The following DYNC2I1 variants were observed in gnomAD, a reference collection of about 807,000 sequenced individuals.
DYNC2I1 encodes cytoplasmic dynein 2 intermediate chain 1.
A neutral mutation model predicts 133.4 loss-of-function variants in DYNC2I1; 89 were observed. The observed-to-expected ratio is 0.67, with a 90% CI of 0.56 to 0.80. The LOEUF is 0.80. DYNC2I1 is among the 30% of genes least tolerant of loss of function. The pLI is 0.00. For synonymous variants in DYNC2I1, 504 were observed against 484.3 expected (o/e 1.04, Z -0.54); for missense variants, 1,291 against 1,314.5 (o/e 0.98, Z 0.28).
chr7:158,877,221 CG>C (rs1843441809), intron 4 of DYNC2I1, among the ~76,000 whole-genome samples: 1 of 148,896 alleles, frequency 6.7e-6, no homozygotes, highest in Non-Finnish European at 1.5e-5. Context: ...TTGGTGCTCT[CG>C]AGGCACCTGC....
chr7:158,952,176 G>A (rs920405235), intron 4 of DYNC2I1, among the ~76,000 whole-genome samples: 26 of 152,172 alleles, frequency 1.7e-4, no homozygotes, highest in African/African-American at 4.1e-4. Flanking sequence ...AAACACGCAC[G>A]CTGGCACCTG....
At chr7:158,847,160 T>C in the DYNC2I1 span, among the ~76,000 whole-genome samples, 1 of 152,334 alleles carries the variant, frequency 6.6e-6, no homozygotes, top group African/African-American at 2.4e-5. Context: ...AATCTCAAAA[T>C]TCTGTCTTAA....
At chr7:158,888,748 G>A (rs1844871931) in intron 7 of DYNC2I1, among the ~76,000 whole-genome samples, 1 of 152,208 alleles carries the variant, frequency 6.6e-6, no homozygotes, top group Admixed American at 6.5e-5. Context: ...GGGATTACAG[G>A]CGTGAGCCAC....
intron 14 of DYNC2I1, among the ~76,000 whole-genome samples, chr7:158,917,888 A>G (rs1168812343): frequency 6.6e-6 from 1 of 152,034 alleles, no homozygotes; most frequent in East Asian, 1.9e-4. Flanking sequence ...CCTTTCTCAC[A>G]CGAATCCTAT....
At chr7:158,864,091 G>C (rs1036969695) in intron 1 of DYNC2I1, among the ~76,000 whole-genome samples, 11 of 149,022 alleles carry the variant, frequency 7.4e-5, no homozygotes, top group Admixed American at 5.3e-4. Context: ...TGTGGTGTGG[G>C]GGGAGAGGGA....
In DYNC2I1 at chr7:158,871,368, G is replaced by T; in HGVS notation, c.296G>T (p.Arg99Leu). The part of the protein sequence containing the change: ...QRERRRDAKD[R>L]EKEKLKEKHR... ...GAGAGGAGAAGAGACGCAAAAGACC[G>T]GGAGAAAGAAAAGCTGAAGGAGAAA... The change falls in exon 3 of 25, where the codon CGG (arginine) becomes CTG (leucine). Residue 99 changes from arginine to leucine, a missense_variant. Transcript: ENST00000407559. The T allele has an allele frequency of 6.5e-7, 1 of 1,549,464 alleles. No homozygotes were observed.
the DYNC2I1 span, among the ~76,000 whole-genome samples, chr7:158,845,008 T>C: frequency 6.6e-6 from 1 of 152,156 alleles, no homozygotes; most frequent in Non-Finnish European, 1.5e-5. Context: ...CCCAACCATC[T>C]AGATGGACCT....
At chr7:158,852,753 T>A (rs1199562660), upstream of DYNC2I1, among the ~76,000 whole-genome samples, 2 of 152,104 alleles carry the variant, frequency 1.3e-5, no homozygotes, top group East Asian at 1.9e-4. Context: ...AAAATAAAAA[T>A]AAAAAATTTT....
chr7:158,857,679 A>G lies in DYNC2I1; in HGVS notation c.15+929A>G, dbSNP rs190562108. Among the ~76,000 whole-genome samples, 390 of 151,748 alleles carry G rather than the reference A, an allele frequency of 2.6e-3. 2 individuals are homozygous for G. The highest frequency in any genetic ancestry group is 0.01 in the South Asian group (48 of 4,796). On this transcript the variant is annotated intron_variant, in intron 1 of 24. Coordinates refer to ENST00000407559, the MANE Select transcript of DYNC2I1 (RefSeq NM_018051.5). ...CAGTCTCCCGAGTAGGTGGGATTAC[A>G]GATGTCCGCCACCAAGCCCAGCTGA... is the stretch of plus-strand genomic sequence containing the variant.
chr7:158,894,547 GAATAAT>G (rs1845592965), intron 8 of DYNC2I1, among the ~76,000 whole-genome samples: 1 of 152,144 alleles, frequency 6.6e-6, no homozygotes, highest in Admixed American at 6.5e-5. Flanking sequence ...TTCTAGTGCT[GAATAAT>G]ATCCATTGTA....
intron 1 of DYNC2I1, among the ~76,000 whole-genome samples, chr7:158,861,671 T>C (rs534880080): frequency 6.6e-6 from 1 of 152,314 alleles, no homozygotes; most frequent in South Asian, 2.1e-4. Flanking sequence ...TGCAAATACA[T>C]GCATACCGAA....
At chr7:158,858,178 T>C (rs1175156402) in intron 1 of DYNC2I1, among the ~76,000 whole-genome samples, 1 of 152,200 alleles carries the variant, frequency 6.6e-6, no homozygotes, top group Non-Finnish European at 1.5e-5. Flanking sequence ...AACCCACTAA[T>C]TTCCTGACCC....
rs748525891 is a variant in DYNC2I1, at chr7:158,909,897, C to T, written c.1461-1653C>T. Among the ~76,000 whole-genome samples the T allele has an allele frequency of 2.8e-4, 42 of 152,150 alleles. 1 individual carries two copies. Among genetic ancestry groups the T allele is most frequent in the Admixed American group, 2.2e-3 (34 of 15,272 alleles). On this transcript the variant is annotated intron_variant, in intron 11 of 24. Transcript: ENST00000407559. ...AACATCCTAGGTTTTGGTCGAGCCT[C>T]CTGCAGGCCTGTGCTCTAGGAAGCA...
At chr7:158,913,307 T>C (rs1847676575) in intron 13 of DYNC2I1, among the ~76,000 whole-genome samples, 1 of 152,198 alleles carries the variant, frequency 6.6e-6, no homozygotes, top group African/African-American at 2.4e-5. Flanking sequence ...GGAAACCTGC[T>C]CTCGAGGCCC....
At position 158,871,151 on chromosome 7, in the gene DYNC2I1, T is replaced by C. The variant is rs746277876; in HGVS notation, c.79T>C (p.Ser27Pro). The C allele has an allele frequency of 6.2e-7, 1 of 1,612,590 alleles. No individual in the cohort carries two copies. The highest frequency in any genetic ancestry group is 8.5e-7 in the Non-Finnish European group (1 of 1,179,234). The change falls in exon 3 of 25, where the codon TCA becomes CCA. Residue 27 changes from serine to proline, a missense_variant. Physicochemically the swap from Ser to Pro is moderately conservative, Grantham distance 74. Coordinates refer to ENST00000407559, the MANE Select transcript of DYNC2I1 (RefSeq NM_018051.5). Reference protein sequence around the residue: ...DLRKHLWAIQSGGSKEERKHR... With the variant: ...DLRKHLWAIQPGGSKEERKHR... ...TGTTCTCTTGTTTCAGGCCATACAGTCAGGTGGTTCCAAGGAAGAAAGAAA... is the reference window on the plus strand; with the variant it reads ...TGTTCTCTTGTTTCAGGCCATACAGCCAGGTGGTTCCAAGGAAGAAAGAAA...
At chr7:158,909,441 C>G (rs1227177225) in intron 11 of DYNC2I1, among the ~76,000 whole-genome samples, 1 of 151,050 alleles carries the variant, frequency 6.6e-6, no homozygotes, top group Admixed American at 6.6e-5. Flanking sequence ...AGCATTCTAT[C>G]AGGTATGAAA....
At chr7:158,896,985 CTTT>C (rs1259230058) in intron 8 of DYNC2I1, among the ~76,000 whole-genome samples, 12 of 131,174 alleles carry the variant, frequency 9.1e-5, no homozygotes, top group African/African-American at 1.1e-4. Context: ...TGTATAATTT[CTTT>C]TTTTTTTTTT....
chr7:158,907,891 G>T (rs148938851), intron 11 of DYNC2I1, among the ~76,000 whole-genome samples: 5 of 152,052 alleles, frequency 3.3e-5, no homozygotes, highest in African/African-American at 1.2e-4. Flanking sequence ...GGGATTACAG[G>T]TGTGAGCTGC....
chr7:158,913,599 C>T (rs1436659161), intron 13 of DYNC2I1, among the ~76,000 whole-genome samples: 1 of 152,172 alleles, frequency 6.6e-6, no homozygotes, highest in Non-Finnish European at 1.5e-5. Context: ...CAAGGAATTG[C>T]CTCTGTATGG....
Sources: allele counts gnomAD v4.1 joint callset (sites outside exome capture counted in the v4.1 genomes callset), GRCh38; gene constraint gnomAD v4.1.1; transcripts MANE v1.5; gene names NCBI Gene and HGNC (gene_info 2026-07-23, HGNC 2026-07-21).